Variants in F13A1 observed in about 807,000 individuals in gnomAD.
The protein encoded by F13A1 is coagulation factor XIII A chain.
A neutral mutation model predicts 80.1 loss-of-function variants in F13A1; 47 were observed. That is an observed-to-expected ratio of 0.59 (90% CI 0.46 to 0.75). The LOEUF (loss-of-function observed/expected upper bound fraction) is 0.75. Ranked by LOEUF, F13A1 falls within the 30% of genes least tolerant of loss-of-function variation. The probability of loss-of-function intolerance (pLI) is 0.00; values close to 1 mark genes in which losing one functional copy is unlikely to be tolerated. For missense variants in F13A1, 817 were observed against 930.4 expected, an observed-to-expected ratio of 0.88 and a Z score of 1.59; for synonymous variants, 349 against 344.9, an observed-to-expected ratio of 1.01 and a Z score of -0.13.
chr6:6,197,388 A>C (rs570914714), intron 8 of F13A1, 62 bp from the exon 9 acceptor site: 16 of 1,513,650 alleles, frequency 1.1e-5, no homozygotes, highest in South Asian at 3.4e-5. Context: ...CCAAGAGATC[A>C]AGAAGTGACG....
chr6:6,312,589 A>G (rs982357793), intron 2 of F13A1, among the ~76,000 whole-genome samples: 1 of 140,114 alleles, frequency 7.1e-6, no homozygotes, highest in African/African-American at 2.8e-5. Flanking sequence ...GAGGCAGGAG[A>G]ACCGCTTGAA....
chr6:6,214,950 G>A (rs1234033673), intron 8 of F13A1, among the ~76,000 whole-genome samples: 1 of 97,490 alleles, frequency 1.0e-5, no homozygotes, highest in Non-Finnish European at 2.1e-5. Flanking sequence ...TAAATTCCTC[G>A]ACACATACAC....
chr6:6,179,489 G>A (rs896563046), intron 11 of F13A1, among the ~76,000 whole-genome samples: 7 of 152,146 alleles, frequency 4.6e-5, no homozygotes, highest in Admixed American at 3.3e-4. Context: ...ATTCAACGGT[G>A]AGAATCAGGG....
rs1760233213 is a variant in F13A1 at position 6,144,103 on chromosome 6, T to C, written c.*1516A>G. The C allele has an allele frequency of 6.6e-6, 1 of 152,240 alleles. No homozygotes were observed. Among genetic ancestry groups the C allele is most frequent in the Non-Finnish European group, 1.5e-5 (1 of 68,038 alleles). The allele number at this position is 152,240 out of a possible 1,614,324, so 9.4% of individuals were successfully genotyped here. The stretch of plus-strand genomic sequence containing the variant: ...TGCAAATATAATCAGTTTAACTTTA[T>C]TTTAAGCTTCTATTACATTGTAATT... On this transcript the variant is annotated 3_prime_UTR_variant, in exon 15 of 15. Transcript: ENST00000264870.
Position 6,250,901 on chromosome 6 carries a change from T to C in F13A1, c.600A>G (p.Lys200=), listed in dbSNP as rs779899001. 2 of 1,613,042 alleles carry C rather than the reference T, an allele frequency of 1.2e-6. No homozygotes were observed. The highest frequency in any genetic ancestry group is 2.2e-5 in the East Asian group (1 of 44,876). Residue 200 remains lysine, a synonymous_variant, in exon 5 of 15, where the codon AAA becomes AAG. Transcript: ENST00000264870. The surrounding 1 kb of genome is among the most constrained non-coding windows in gnomAD (Gnocchi z 4.2). Reference sequence around the variant, plus strand: ...CATTCAGGACATACTCTTCTCTTTCTTTCTCATTGTCCAGATACACAGCAT... The same window carrying C: ...CATTCAGGACATACTCTTCTCTTTCCTTCTCATTGTCCAGATACACAGCAT... ...EDDAVYLDNE[K]EREEYVLNDI...
intron 4 of F13A1, among the ~76,000 whole-genome samples, chr6:6,260,605 C>T (rs187106412): frequency 6.6e-6 from 1 of 152,230 alleles, no homozygotes; most frequent in African/African-American, 2.4e-5. Context: ...TTGGGGGGAG[C>T]GGTTCATCAT....
Position 6,250,973 on chromosome 6 carries a change from G to T in F13A1, c.572-44C>A. On this transcript the variant is annotated intron_variant, in intron 4 of 14. Transcript: ENST00000264870. This position sits in a 1 kb window ranked among gnomAD's most constrained non-coding sequence, Gnocchi z 4.2. ...ATAGTGACTATTACCAAACCAGACT[G>T]TTTCCAAACACTTGCAAGTTTATGC... is the stretch of plus-strand genomic sequence containing the variant. 7.4e-7 allele frequency: 1 copy of T among 1,358,808 alleles called. No individual in the cohort carries two copies. The highest frequency in any genetic ancestry group is 1.1e-6 in the Non-Finnish European group (1 of 950,066). The allele number at this position is 1,358,808 out of a possible 1,614,324, so 84.2% of individuals were successfully genotyped here.
intron 8 of F13A1, among the ~76,000 whole-genome samples, chr6:6,217,125 C>T (rs1045705480): frequency 1.4e-4 from 20 of 147,636 alleles, no homozygotes; most frequent in Admixed American, 1.3e-3. Flanking sequence ...TGTGGCGATT[C>T]CTCAGGGATC....
rs555219620 is a variant in F13A1, at chr6:6,267,257, C to A, written c.320-448G>T. On this transcript the variant is annotated intron_variant, in intron 3 of 14. Transcript: ENST00000264870. ...CCACTGAGAAAGATTAGAACTTCAA[C>A]ACTTTGCTATTAGGGATATAGGTTA... 3.0e-4 allele frequency among the ~76,000 whole-genome samples: 46 copies of A among 152,270 alleles called. No individual in the cohort carries two copies. The South Asian group carries it at 8.9e-3, about 30-fold the overall frequency.
intron 11 of F13A1, 51 bp downstream of exon 11, chr6:6,181,937 G>C (rs1340013946): frequency 1.3e-6 from 2 of 1,594,110 alleles, no homozygotes; most frequent in Non-Finnish European, 1.7e-6. Flanking sequence ...CAATGAATAA[G>C]TACTCAATGG....
rs137999893 is a variant in F13A1 at position 6,319,661 on chromosome 6, C to G, written c.-19+926G>C. Among the ~76,000 whole-genome samples, 43 of 152,254 alleles carry G rather than the reference C, an allele frequency of 2.8e-4. No homozygotes were observed. In the East Asian group the frequency reaches 7.5e-3, roughly 27 times the overall value. On this transcript the variant is annotated intron_variant, in intron 1 of 14. Transcript: ENST00000264870. ...TGGAGACTTGGCTATTTTCAAAAAC[C>G]AGGCACACCCCCAAGAGGTGAAGAG...
chr6:6,283,334 TTCTGTTGC>T (rs1165992767), intron 3 of F13A1, among the ~76,000 whole-genome samples: 1 of 152,248 alleles, frequency 6.6e-6, no homozygotes, highest in Non-Finnish European at 1.5e-5. Flanking sequence ...CTGGACTAGC[TTCTGTTGC>T]TATAAGGTAC....
intron 3 of F13A1, among the ~76,000 whole-genome samples, chr6:6,301,135 C>T (rs1331513947): frequency 6.6e-6 from 1 of 152,126 alleles, no homozygotes; most frequent in Non-Finnish European, 1.5e-5. Flanking sequence ...ATTTCCTTGG[C>T]TTTATTCAGT....
chr6:6,305,883 T>G (rs961074308), intron 2 of F13A1, among the ~76,000 whole-genome samples: 3 of 152,170 alleles, frequency 2.0e-5, no homozygotes, highest in African/African-American at 7.2e-5. Context: ...CTAGTTTTCG[T>G]TATGTTAGAA....
chr6:6,181,351 T>C (rs565899408), intron 11 of F13A1, among the ~76,000 whole-genome samples: 4 of 152,158 alleles, frequency 2.6e-5, no homozygotes, highest in Non-Finnish European at 5.9e-5. Context: ...CCAAACCAAT[T>C]GCAGGCATAG....
chr6:6,223,774 C>A (rs988726272), intron 7 of F13A1, among the ~76,000 whole-genome samples: 1 of 151,610 alleles, frequency 6.6e-6, no homozygotes, highest in Non-Finnish European at 1.5e-5. Flanking sequence ...TTTAAATGAC[C>A]TCCCTCCAGC....
chr6:6,315,184 A>G (rs928973013), intron 2 of F13A1, among the ~76,000 whole-genome samples: 1 of 152,234 alleles, frequency 6.6e-6, no homozygotes, highest in Non-Finnish European at 1.5e-5. Flanking sequence ...GGAATATTAC[A>G]TTTCCAGCTA....
chr6:6,196,951 T>G (rs1761301827), intron 9 of F13A1, among the ~76,000 whole-genome samples: 2 of 152,272 alleles, frequency 1.3e-5, no homozygotes, highest in South Asian at 4.1e-4. Flanking sequence ...TTTTCTCTCC[T>G]GTCTTCAAAA....
chr6:6,260,277 G>A (rs1757760351), intron 4 of F13A1, among the ~76,000 whole-genome samples: 1 of 152,196 alleles, frequency 6.6e-6, no homozygotes, highest in African/African-American at 2.4e-5. Flanking sequence ...AAAGCAGGCT[G>A]AAGGGCCCTC....
Sources: allele counts gnomAD v4.1 joint callset (sites outside exome capture counted in the v4.1 genomes callset), GRCh38; gene constraint gnomAD v4.1.1; non-coding constraint Gnocchi (gnomAD v3.1); transcripts MANE v1.5; gene names NCBI Gene and HGNC (gene_info 2026-07-23, HGNC 2026-07-21).